OVCH1: variants seen among roughly 807,000 people sequenced by gnomAD.
OVCH1 encodes the protein ovochymase 1.
Under a neutral mutation model 138.4 loss-of-function variants are expected in OVCH1, and 139 were observed. That is an observed-to-expected ratio of 1.00 (90% CI 0.87 to 1.16). The LOEUF (loss-of-function observed/expected upper bound fraction) is 1.16. Among genes scored for constraint, OVCH1 ranks in the 50% most tolerant of loss-of-function variants. The probability of loss-of-function intolerance (pLI) is 0.00; values close to 1 mark genes in which losing one functional copy is unlikely to be tolerated. For synonymous variants in OVCH1, 453 were observed against 467.8 expected (o/e 0.97, Z 0.41); for missense variants, 1,367 against 1,357.9 (o/e 1.01, Z -0.11).
intron 21 of OVCH1, among the ~76,000 whole-genome samples, chr12:29,454,530 G>C (rs934303821): frequency 1.2e-4 from 18 of 152,258 alleles, no homozygotes; most frequent in Admixed American, 1.2e-3. Flanking sequence ...ACCTAGGCAA[G>C]ATACTTGCAT....
At chr12:29,431,145 TAAA>T (rs1478197491) in intron 27 of OVCH1, among the ~76,000 whole-genome samples, 1 of 152,070 alleles carries the variant, frequency 6.6e-6, no homozygotes. Flanking sequence ...AAGGAGGAGA[TAAA>T]AAGTTGTGTT....
At chr12:29,405,441 T>C in the OVCH1 span, among the ~76,000 whole-genome samples, 9 of 152,162 alleles carry the variant, frequency 5.9e-5, no homozygotes, top group Non-Finnish European at 7.4e-5. Context: ...TTGCCTGTTA[T>C]ACCATGTTAG....
chr12:29,493,713 G>C (rs1036240814), intron 4 of OVCH1, among the ~76,000 whole-genome samples: 13 of 151,884 alleles, frequency 8.6e-5, no homozygotes, highest in African/African-American at 3.1e-4. Flanking sequence ...CCATCTAATA[G>C]TTTCTTGTGG....
At chr12:29,427,487 A>G (rs1941198523), downstream of OVCH1, 1 of 1,530,254 alleles carries the variant, frequency 6.5e-7, no homozygotes, top group Non-Finnish European at 8.8e-7. Context: ...CATTTGAATG[A>G]TTGAGGACGT....
exon 12 of OVCH1, chr12:29,477,111 G>T (rs1233303760): frequency 1.2e-6 from 2 of 1,607,410 alleles, no homozygotes; most frequent in Admixed American, 1.7e-5. Flanking sequence ...CCTTTATAAT[G>T]TGCTTCTCTG....
downstream of OVCH1, among the ~76,000 whole-genome samples, chr12:29,407,783 T>G (rs61917198): frequency 0.3 from 44,389 of 148,108 alleles, 8,018 homozygotes; most frequent in Middle Eastern, 0.5. Context: ...TTGACTTGGC[T>G]ATGCGGGCTC....
intron 26 of OVCH1, among the ~76,000 whole-genome samples, chr12:29,439,064 T>C (rs1941417764): frequency 6.6e-6 from 1 of 152,170 alleles, no homozygotes; most frequent in African/African-American, 2.4e-5. Flanking sequence ...AATTCTTAAT[T>C]AGAGACAAAT....
chr12:29,477,140 G>T, exon 12 of OVCH1: 1 of 1,612,912 alleles, frequency 6.2e-7, no homozygotes. Flanking sequence ...ATGAACCAAT[G>T]ACACCTTGTG....
intron 27 of OVCH1, among the ~76,000 whole-genome samples, chr12:29,429,050 C>CTTAG (rs1205380149): frequency 6.6e-6 from 1 of 152,170 alleles, no homozygotes; most frequent in African/African-American, 2.4e-5. Context: ...CCATTAATTT[C>CTTAG]TTAGTCCTCA....
downstream of OVCH1, among the ~76,000 whole-genome samples, chr12:29,426,466 C>T (rs2135893150): frequency 6.6e-6 from 1 of 152,312 alleles, no homozygotes; most frequent in Admixed American, 6.5e-5. Flanking sequence ...AAATTGATAT[C>T]TATAGCTCCA....
chr12:29,464,877 T>C, intron 17 of OVCH1, 175 bp from the exon 18 acceptor site: 1 of 679,956 alleles, frequency 1.5e-6, no homozygotes, highest in East Asian at 2.8e-5. Flanking sequence ...CAGGGGGCTA[T>C]GAACCACCTT....
At chr12:29,404,692 G>A in the OVCH1 span, among the ~76,000 whole-genome samples, 3 of 152,120 alleles carry the variant, frequency 2.0e-5, no homozygotes, top group South Asian at 4.1e-4. Flanking sequence ...AGAAGTAGGT[G>A]CATTAAGCCA....
At position 29,439,264 on chromosome 12, in the gene OVCH1, TATTG is replaced by T. The variant is rs1244642151; in HGVS notation, c.3264+60_3264+63del. 6 of 1,324,130 alleles carry T rather than the reference TATTG, an allele frequency of 4.5e-6. No individual in the cohort carries two copies. The East Asian group carries it at 1.6e-4, about 36-fold the overall frequency. 82.0% of individuals were successfully genotyped at this position (1,324,130 alleles called of 1,614,324 possible). ...CCTTTATTTTGTCACTTCTCTTATT[TATTG>T]TTCTTTTTGTTAAGATGTTATATAA... On this transcript the variant is annotated intron_variant, in intron 26 of 27. Coordinates refer to ENST00000318184, the Ensembl canonical transcript of OVCH1.
chr12:29,413,848 A>G (rs1234538046), intron 3 of OVCH1, among the ~76,000 whole-genome samples: 1 of 149,650 alleles, frequency 6.7e-6, no homozygotes, highest in Non-Finnish European at 1.5e-5. Context: ...AGTATAAATT[A>G]TTTTCCTTCT....
downstream of OVCH1, among the ~76,000 whole-genome samples, chr12:29,409,223 G>A (rs774787113): frequency 7.8e-4 from 118 of 151,980 alleles, 1 homozygote; most frequent in East Asian, 4.6e-3. Context: ...TCTTGCTAGC[G>A]GTCTATCAAA....
chr12:29,459,676 G>A (rs1319272655), intron 19 of OVCH1, among the ~76,000 whole-genome samples: 1 of 151,998 alleles, frequency 6.6e-6, no homozygotes, highest in African/African-American at 2.4e-5. Flanking sequence ...TTGAAGTGAT[G>A]TGTATACCCA....
chr12:29,490,982 G>A (rs1943256521), intron 5 of OVCH1, 115 bp downstream of exon 5: 2 of 829,074 alleles, frequency 2.4e-6, no homozygotes, highest in Non-Finnish European at 3.8e-6. Context: ...CGTTGTGTCA[G>A]AAATTAGTTA....
At chr12:29,451,017 G>T (rs1426684878) in intron 22 of OVCH1, among the ~76,000 whole-genome samples, 1 of 151,602 alleles carries the variant, frequency 6.6e-6, no homozygotes, top group African/African-American at 2.4e-5. Context: ...GGCCTGTTGG[G>T]GGGTGGGGGG....
the OVCH1 span, among the ~76,000 whole-genome samples, chr12:29,402,939 A>C: frequency 6.6e-6 from 1 of 152,220 alleles, no homozygotes; most frequent in Non-Finnish European, 1.5e-5. Context: ...CTCATATTTG[A>C]CTTCCAACTT....
Sources: gnomAD v4.1 joint callset for allele counts (sites outside exome capture counted in the v4.1 genomes callset) on GRCh38, gnomAD v4.1.1 for gene constraint, MANE v1.5 for transcripts, NCBI Gene and HGNC (gene_info 2026-07-23, HGNC 2026-07-21) for gene names.